The following CRB1 variants were observed in gnomAD, a reference collection of about 807,000 sequenced individuals.
The protein encoded by CRB1 is crumbs cell polarity complex component 1.
A neutral mutation model predicts 120.0 loss-of-function variants in CRB1; 83 were observed. The ratio of observed to expected loss-of-function variants is 0.69; its 90% confidence interval spans 0.58 to 0.83. CRB1 has a LOEUF of 0.83. Among genes scored for constraint, CRB1 ranks in the 40% least tolerant of loss-of-function variants. The pLI is 0.00. For missense variants in CRB1, 1,699 were observed against 1,687.6 expected, an observed-to-expected ratio of 1.01 and a Z score of -0.12; for synonymous variants, 625 against 612.5, an observed-to-expected ratio of 1.02 and a Z score of -0.30.
chr1:197,345,338 C>T (rs573259774), intron 3 of CRB1, among the ~76,000 whole-genome samples: 9 of 151,952 alleles, frequency 5.9e-5, no homozygotes, highest in African/African-American at 1.2e-4. Flanking sequence ...AGAAGACGCC[C>T]GCAAGTTCAC....
chr1:197,338,501 A>T (rs185161211), intron 2 of CRB1, among the ~76,000 whole-genome samples: 1 of 152,326 alleles, frequency 6.6e-6, no homozygotes, highest in Non-Finnish European at 1.5e-5. Context: ...AAGAGAAGAC[A>T]TTCTTTCTCT....
intron 5 of CRB1, among the ~76,000 whole-genome samples, chr1:197,361,453 CG>C: frequency 6.6e-6 from 1 of 151,948 alleles, no homozygotes; most frequent in Middle Eastern, 3.4e-3. Flanking sequence ...TACTTATTTT[CG>C]GCAATTTGTG....
At chr1:197,431,374 C>T (rs996094980) in intron 8 of CRB1, among the ~76,000 whole-genome samples, 1 of 152,010 alleles carries the variant, frequency 6.6e-6, no homozygotes, top group South Asian at 2.1e-4. Context: ...AAACATGATG[C>T]GTTGGCATAA....
chr1:197,465,803 C>A (rs1666725903), intron 11 of CRB1, among the ~76,000 whole-genome samples: 2 of 152,070 alleles, frequency 1.3e-5, no homozygotes, highest in South Asian at 2.1e-4. Context: ...GAAATGGCTA[C>A]TTTTGAGATT....
intron 5 of CRB1, among the ~76,000 whole-genome samples, chr1:197,376,446 C>T (rs1248637845): frequency 3.3e-5 from 5 of 151,920 alleles, no homozygotes; most frequent in African/African-American, 4.8e-5. Flanking sequence ...ATTCACAAAA[C>T]GACAAAAACA....
intron 5 of CRB1, among the ~76,000 whole-genome samples, chr1:197,418,770 C>G (rs1664135642): frequency 6.6e-6 from 1 of 152,198 alleles, no homozygotes; most frequent in East Asian, 1.9e-4. Flanking sequence ...TGAATACAAG[C>G]CAGGTACTAT....
At chr1:197,403,685 G>C (rs1170329466) in intron 5 of CRB1, among the ~76,000 whole-genome samples, 2 of 151,872 alleles carry the variant, frequency 1.3e-5, no homozygotes, top group Non-Finnish European at 2.9e-5. Context: ...ATTTAGGGAA[G>C]CTTCATTTAG....
At position 197,435,447 on chromosome 1, in the gene CRB1, T is replaced by C; in HGVS notation, c.3584T>C (p.Val1195Ala). The C allele has an allele frequency of 6.3e-7, 1 of 1,594,888 alleles. No individual in the cohort carries two copies. The highest frequency in any genetic ancestry group is 1.3e-5 in the African/African-American group (1 of 74,488). ...ATCCATGGCAACTGCTCTGACAGAG[T>C]TGCAGCCTACCACTGCACATGTGAG... ...PCIHGNCSDR[V>A]AAYHCTCEPG... is the part of the protein sequence containing the mutation. Residue 1195 changes from valine (V) to alanine (A), a missense_variant, in exon 9 of 12, where the codon GTT becomes GCT. Transcript: ENST00000367400.
chr1:197,348,474 A>C (rs1659900390), intron 4 of CRB1, among the ~76,000 whole-genome samples: 1 of 152,064 alleles, frequency 6.6e-6, no homozygotes, highest in African/African-American at 2.4e-5. Flanking sequence ...TTTATTGTTT[A>C]TTTATTTATT....
chr1:197,254,451 T>C, the CRB1 span, among the ~76,000 whole-genome samples: 1 of 152,122 alleles, frequency 6.6e-6, no homozygotes, highest in Non-Finnish European at 1.5e-5. Context: ...ATTCTTTTCT[T>C]AGTAGTGTCA....
At chr1:197,438,422 G>A in intron 9 of CRB1, 125 bp from the exon 10 acceptor site, 1 of 1,168,442 alleles carries the variant, frequency 8.6e-7, no homozygotes, top group East Asian at 2.5e-5. Context: ...TTAAGCATTT[G>A]TAGCTCCTCC....
At chr1:197,316,998 CATTG>C (rs1657892813) in intron 1 of CRB1, among the ~76,000 whole-genome samples, 1 of 149,916 alleles carries the variant, frequency 6.7e-6, no homozygotes, top group Non-Finnish European at 1.5e-5. Context: ...AACCAAAAAA[CATTG>C]AGGAGAGAAA....
At chr1:197,319,386 CCACTA>C (rs1658051203) in intron 1 of CRB1, among the ~76,000 whole-genome samples, 1 of 125,042 alleles carries the variant, frequency 8.0e-6, no homozygotes, top group Non-Finnish European at 1.6e-5. Context: ...TGAGATCATG[CCACTA>C]CACTACACTG....
At chr1:197,369,212 G>C (rs552081651) in intron 5 of CRB1, among the ~76,000 whole-genome samples, 5 of 151,952 alleles carry the variant, frequency 3.3e-5, no homozygotes, top group Non-Finnish European at 7.4e-5. Context: ...TAATCATTAA[G>C]TACAATATTA....
chr1:197,410,926 A>G (rs1037302574), intron 5 of CRB1, among the ~76,000 whole-genome samples: 2 of 152,218 alleles, frequency 1.3e-5, no homozygotes, highest in African/African-American at 4.8e-5. Flanking sequence ...ATCAACTGCT[A>G]GAAGATTCTG....
At position 197,465,911 on chromosome 1, in the gene CRB1, A is replaced by G. The variant is rs746345900; in HGVS notation, c.4006-11753A>G. ...GCTTTTTAAAATAAGAATAGAGTAAATGGCACAATAGATTATATAAACAAG... is the reference window on the plus strand; with the variant it reads ...GCTTTTTAAAATAAGAATAGAGTAAGTGGCACAATAGATTATATAAACAAG... On this transcript the variant is annotated intron_variant, in intron 11 of 11. Coordinates refer to ENST00000367400, the MANE Select transcript of CRB1 (RefSeq NM_201253.3). Among the ~76,000 whole-genome samples, 7 of 152,378 alleles carry G rather than the reference A, an allele frequency of 4.6e-5. No individual in the cohort carries two copies. The Middle Eastern group carries it at 0.01, about 222-fold the overall frequency.
At chr1:197,316,714 C>G (rs1023182728) in intron 1 of CRB1, among the ~76,000 whole-genome samples, 6 of 152,116 alleles carry the variant, frequency 3.9e-5, no homozygotes, top group Non-Finnish European at 7.4e-5. Context: ...GAAGCAAACT[C>G]TCTCTGTTTA....
At chr1:197,227,493 T>C in the CRB1 span, among the ~76,000 whole-genome samples, 3 of 151,988 alleles carry the variant, frequency 2.0e-5, no homozygotes, top group African/African-American at 7.2e-5. Flanking sequence ...ATGATCTCCT[T>C]TGACTCCATG....
At chr1:197,301,164 C>A (rs1032874053) in intron 1 of CRB1, among the ~76,000 whole-genome samples, 1 of 151,598 alleles carries the variant, frequency 6.6e-6, no homozygotes, top group African/African-American at 2.4e-5. Flanking sequence ...TTTCAGCTTT[C>A]AAGTCTTTTT....
Sources: allele counts gnomAD v4.1 joint callset (sites outside exome capture counted in the v4.1 genomes callset), GRCh38; gene constraint gnomAD v4.1.1; transcripts MANE v1.5; gene names NCBI Gene and HGNC (gene_info 2026-07-23, HGNC 2026-07-21).